Variants in MGST2 observed in about 807,000 individuals in gnomAD.
MGST2 encodes glutathione peroxidase MGST2.
A neutral mutation model predicts 16.6 loss-of-function variants in MGST2; 9 were observed. The ratio of observed to expected loss-of-function variants is 0.54; its 90% CI spans 0.33 to 0.95. The LOEUF (loss-of-function observed/expected upper bound fraction) is 0.95. MGST2 is among the 40% of genes least tolerant of loss of function. The pLI is 0.03. For synonymous variants in MGST2, 79 were observed against 68.0 expected, an observed-to-expected ratio of 1.16 and a Z score of -0.79; for missense variants, 159 against 175.1, an observed-to-expected ratio of 0.91 and a Z score of 0.52.
chr4:139,748,181 A>C, the MGST2 span, among the ~76,000 whole-genome samples: 1 of 152,126 alleles, frequency 6.6e-6, no homozygotes, highest in Non-Finnish European at 1.5e-5. Flanking sequence ...CACAGGCTCT[A>C]AGAGGGCCTC....
intron 5 of MGST2, chr4:139,730,417 T>C (rs576931206): frequency 6.9e-5 from 105 of 1,529,420 alleles, no homozygotes; most frequent in Non-Finnish European, 8.8e-5. Context: ...GCATGTTACC[T>C]GTTCCGCCAA....
the MGST2 span, among the ~76,000 whole-genome samples, chr4:139,747,926 T>G: frequency 6.6e-6 from 1 of 151,164 alleles, no homozygotes; most frequent in South Asian, 2.1e-4. Flanking sequence ...TGGTGGTGGA[T>G]GCCTATAATC....
downstream of MGST2, among the ~76,000 whole-genome samples, chr4:139,707,477 G>C (rs1359294261): frequency 6.6e-6 from 1 of 150,926 alleles, no homozygotes; most frequent in Admixed American, 6.6e-5. Context: ...TTGGTTCCAA[G>C]TCTTTGCTAT....
intron 2 of MGST2, among the ~76,000 whole-genome samples, chr4:139,692,986 A>C (rs1196319283): frequency 1.3e-5 from 2 of 152,248 alleles, no homozygotes; most frequent in East Asian, 3.8e-4. Context: ...CTTTTAAAAC[A>C]ATCTTATCAC....
At chr4:139,671,716 A>G (rs545331295) in intron 1 of MGST2, among the ~76,000 whole-genome samples, 2 of 150,800 alleles carry the variant, frequency 1.3e-5, no homozygotes, top group African/African-American at 4.9e-5. Context: ...ATCTCGGCTC[A>G]CTGCAACCTC....
intron 3 of MGST2, among the ~76,000 whole-genome samples, chr4:139,699,823 G>C (rs964698950): frequency 3.3e-5 from 5 of 152,176 alleles, no homozygotes; most frequent in African/African-American, 1.2e-4. Flanking sequence ...GGGATTGCTT[G>C]AGGCCAGAAA....
chr4:139,747,193 C>T, the MGST2 span, among the ~76,000 whole-genome samples: 3 of 152,096 alleles, frequency 2.0e-5, no homozygotes, highest in Admixed American at 6.5e-5. Flanking sequence ...TCTATTTGAA[C>T]CCTTAAAGCT....
At chr4:139,732,829 C>T (rs1461135442) in intron 5 of MGST2, among the ~76,000 whole-genome samples, 3 of 152,116 alleles carry the variant, frequency 2.0e-5, no homozygotes, top group Non-Finnish European at 4.4e-5. Flanking sequence ...CATAAGTGTA[C>T]TGCGTTCTAT....
the MGST2 span, among the ~76,000 whole-genome samples, chr4:139,748,546 G>A: frequency 6.6e-6 from 1 of 152,144 alleles, no homozygotes; most frequent in Non-Finnish European, 1.5e-5. Context: ...GAGGCTGCTG[G>A]GGAAAAGTCA....
downstream of MGST2, among the ~76,000 whole-genome samples, chr4:139,743,351 G>A (rs1236935860): frequency 1.7e-4 from 26 of 152,216 alleles, no homozygotes; most frequent in Admixed American, 1.7e-3. Context: ...CCGGACACTA[G>A]GGATCCTGTT....
intron 5 of MGST2, among the ~76,000 whole-genome samples, chr4:139,736,290 G>A (rs1302839074): frequency 6.6e-6 from 1 of 152,170 alleles, no homozygotes; most frequent in Non-Finnish European, 1.5e-5. Flanking sequence ...AGATACTATT[G>A]AAAGTTTTAT....
chr4:139,728,981 G>T (rs1728589988), intron 5 of MGST2, among the ~76,000 whole-genome samples: 1 of 152,030 alleles, frequency 6.6e-6, no homozygotes, highest in Non-Finnish European at 1.5e-5. Context: ...GATTTACAGA[G>T]CCCAGCTGCC....
chr4:139,739,567 C>T (rs1182392497), intron 5 of MGST2, among the ~76,000 whole-genome samples: 2 of 151,964 alleles, frequency 1.3e-5, no homozygotes, highest in African/African-American at 4.8e-5. Flanking sequence ...AATTATGGTA[C>T]ATCCATACCA....
chr4:139,745,406 A>G (rs1357790217), downstream of MGST2, among the ~76,000 whole-genome samples: 1 of 152,156 alleles, frequency 6.6e-6, no homozygotes, highest in Non-Finnish European at 1.5e-5. Context: ...ATCTGGAGAA[A>G]AGTGGGCAGG....
At chr4:139,695,123 C>T in intron 2 of MGST2, 74 bp from the exon 3 acceptor site, 2 of 1,043,944 alleles carry the variant, frequency 1.9e-6, no homozygotes, top group South Asian at 2.6e-5. Flanking sequence ...GAACATTTAC[C>T]TCTAGATGAA....
At chr4:139,728,825 G>A (rs888973799) in intron 5 of MGST2, among the ~76,000 whole-genome samples, 62 of 152,160 alleles carry the variant, frequency 4.1e-4, no homozygotes, top group African/African-American at 1.3e-3. Flanking sequence ...TGGCCTCACC[G>A]TGTGGGAACA....
At chr4:139,683,171 G>T (rs1421502082) in intron 2 of MGST2, among the ~76,000 whole-genome samples, 2 of 152,222 alleles carry the variant, frequency 1.3e-5, no homozygotes, top group Non-Finnish European at 2.9e-5. Context: ...TGAGGGTGGG[G>T]TTTCACCAGG....
At chr4:139,740,926 T>G (rs1729145447), downstream of MGST2, among the ~76,000 whole-genome samples, 1 of 152,190 alleles carries the variant, frequency 6.6e-6, no homozygotes, top group African/African-American at 2.4e-5. Context: ...GGTGTCCCCA[T>G]GTTCTTCCTT....
rs769351402 is a variant in MGST2, at chr4:139,703,989, C to G, written c.312-27C>G. On this transcript the variant is annotated intron_variant, in intron 4 of 4. Coordinates refer to ENST00000265498, the MANE Select transcript of MGST2 (RefSeq NM_002413.5). The stretch of plus-strand genomic sequence containing the variant: ...TTCCTTATTACAGTCCAGTTTGTCA[C>G]TTTTCTCCCTCATGTCCACTCTGCA... 1.9e-6 allele frequency: 3 copies of G among 1,613,866 alleles called. No individual in the cohort carries two copies. The African/African-American group carries it at 4.0e-5, about 22-fold the overall frequency.
Sources: gnomAD v4.1 joint callset for allele counts (sites outside exome capture counted in the v4.1 genomes callset) on GRCh38, gnomAD v4.1.1 for gene constraint, MANE v1.5 for transcripts, NCBI Gene and HGNC (gene_info 2026-07-23, HGNC 2026-07-21) for gene names.